Variants in PLAAT1 observed in about 807,000 individuals in gnomAD.
PLAAT1 encodes the protein phospholipase A and acyltransferase 1.
In PLAAT1, 13 loss-of-function variants were observed where a neutral mutation model predicts 16.4. That is an observed-to-expected ratio of 0.79 (90% CI 0.52 to 1.26). The LOEUF (loss-of-function observed/expected upper bound fraction) is 1.26. Ranked by LOEUF, PLAAT1 falls within the 50% of genes most tolerant of loss-of-function variation. PLAAT1 has a pLI of 0.00. For synonymous variants in PLAAT1, 73 were observed against 78.4 expected (o/e 0.93, Z 0.36); for missense variants, 218 against 207.8 (o/e 1.05, Z -0.30).
At chr3:193,259,838 C>T (rs1577306691) in intron 2 of PLAAT1, among the ~76,000 whole-genome samples, 1 of 152,042 alleles carries the variant, frequency 6.6e-6, no homozygotes, top group Non-Finnish European at 1.5e-5. Context: ...TATCAAGCTA[C>T]CAATGCCATT....
downstream of PLAAT1, among the ~76,000 whole-genome samples, chr3:193,274,581 G>A (rs914540248): frequency 5.9e-5 from 9 of 152,146 alleles, no homozygotes; most frequent in African/African-American, 2.2e-4. Context: ...TCTATGAAAA[G>A]CATACCAGTG....
chr3:193,249,994 GATTTA>G (rs1217713755), intron 1 of PLAAT1, among the ~76,000 whole-genome samples: 2 of 151,944 alleles, frequency 1.3e-5, no homozygotes. Context: ...ACTTTCTGGA[GATTTA>G]ATTTATCTTG....
chr3:193,279,375 ACG>A, downstream of PLAAT1: 2 of 1,613,412 alleles, frequency 1.2e-6, no homozygotes, highest in African/African-American at 1.3e-5. Flanking sequence ...CCTCCATTCC[ACG>A]GTATATAACT....
chr3:193,275,210 C>G (rs771933944), downstream of PLAAT1: 1 of 1,614,192 alleles, frequency 6.2e-7, no homozygotes, highest in Admixed American at 1.7e-5. Flanking sequence ...CTTCTGCTAG[C>G]TTCTTTTGCC....
At chr3:193,274,268 G>T (rs974043361), downstream of PLAAT1, among the ~76,000 whole-genome samples, 1 of 152,078 alleles carries the variant, frequency 6.6e-6, no homozygotes, top group African/African-American at 2.4e-5. Context: ...GTTTTCATGT[G>T]TCAGTAACAA....
At chr3:193,241,081 A>G (rs1309709835), upstream of PLAAT1, 2 of 605,198 alleles carry the variant, frequency 3.3e-6, no homozygotes, top group Non-Finnish European at 4.4e-6. Flanking sequence ...GCGCGCGCGG[A>G]GGCGGCTGCG....
rs1716652683 is a variant in PLAAT1, at chr3:193,263,186, G to A, written c.356G>A (p.Cys119Tyr). The A allele has an allele frequency of 6.2e-7, 1 of 1,614,200 alleles. No individual in the cohort carries two copies. ...EVAYNLLVNN[C>Y]EHFVTLLRYG... ...GCCTATAACTTACTTGTCAACAACT[G>A]TGAACATTTTGTGACATTGCTTCGC... The change falls in exon 3 of 4, where the codon TGT becomes TAT. Residue 119 changes from cysteine (C) to tyrosine (Y), a missense_variant. By Grantham distance (194) the Cys-to-Tyr change is radical. Coordinates refer to ENST00000264735, the MANE Select transcript of PLAAT1 (RefSeq NM_020386.5).
intron 1 of PLAAT1, among the ~76,000 whole-genome samples, chr3:193,243,902 G>A (rs1018326953): frequency 2.0e-5 from 3 of 152,140 alleles, no homozygotes; most frequent in Non-Finnish European, 4.4e-5. Flanking sequence ...CAACCACTGT[G>A]TGTTCACTAT....
intron 2 of PLAAT1, among the ~76,000 whole-genome samples, chr3:193,276,092 T>C (rs1717187297): frequency 6.6e-6 from 1 of 152,146 alleles, no homozygotes; most frequent in African/African-American, 2.4e-5. Context: ...TAAAACATAG[T>C]CTCAAAAATG....
At chr3:193,258,899 A>G (rs1716482861) in intron 2 of PLAAT1, among the ~76,000 whole-genome samples, 1 of 152,174 alleles carries the variant, frequency 6.6e-6, no homozygotes, top group South Asian at 2.1e-4. Flanking sequence ...TTCCTAACTC[A>G]TTCTATGAAA....
At chr3:193,251,884 C>A (rs1716203338) in intron 1 of PLAAT1, among the ~76,000 whole-genome samples, 1 of 151,986 alleles carries the variant, frequency 6.6e-6, no homozygotes, top group African/African-American at 2.4e-5. Flanking sequence ...AGTTAGGGAG[C>A]CTCCTATTAC....
intron 1 of PLAAT1, among the ~76,000 whole-genome samples, chr3:193,246,599 A>T (rs1036612178): frequency 1.2e-4 from 18 of 152,154 alleles, no homozygotes; most frequent in Non-Finnish European, 2.5e-4. Context: ...TGGGCTCAAG[A>T]TATCCATCTG....
At chr3:193,241,100 C>T (rs1715709568), upstream of PLAAT1, 1 of 750,768 alleles carries the variant, frequency 1.3e-6, no homozygotes, top group Non-Finnish European at 1.7e-6. Flanking sequence ...CGTCGGGGCG[C>T]GAGAAGGTGC....
chr3:193,252,138 A>G (rs1005362739), intron 1 of PLAAT1, among the ~76,000 whole-genome samples: 1 of 152,158 alleles, frequency 6.6e-6, no homozygotes, highest in South Asian at 2.1e-4. Context: ...GCTTACAATC[A>G]TGGTGGAATG....
chr3:193,241,647 C>T lies in PLAAT1; in HGVS notation c.-1+114C>T, dbSNP rs1715752301. The T allele has an allele frequency of 5.8e-6, 4 of 693,754 alleles. No homozygotes were observed. In the South Asian group the frequency reaches 3.0e-4, roughly 52 times the overall value. 43.0% of individuals were successfully genotyped at this position (693,754 alleles called of 1,614,324 possible). A position where few individuals can be genotyped will look rare whatever the true frequency, so the allele number is the denominator to read the frequency against. On this transcript the variant is annotated intron_variant, in intron 1 of 3. Transcript: ENST00000264735. The stretch of plus-strand genomic sequence containing the variant: ...ACTAGAGAACAACGGAGCTTATCCA[C>T]CCTCCTCTTTTTCACAGACTGGGGA...
intron 1 of PLAAT1, 94 bp downstream of exon 1, chr3:193,241,627 A>G: frequency 1.2e-6 from 1 of 865,260 alleles, no homozygotes. Context: ...ACATGACTAG[A>G]GAACAACGGA....
chr3:193,255,663 G>A lies in PLAAT1; in HGVS notation c.13G>A (p.Asp5Asn), dbSNP rs1351119520. The A allele has an allele frequency of 1.9e-6, 3 of 1,607,972 alleles. No homozygotes were observed. The Admixed American group carries it at 5.1e-5, about 27-fold the overall frequency. Residue 5 changes from aspartate (D) to asparagine (N), a missense_variant, in exon 2 of 4, where the codon GAT (aspartate) becomes AAT (asparagine). Transcript: ENST00000264735. MAFN[D>N]CFSLNYPGNP... ...TTTGTCATTGCAGATGGCGTTTAATGATTGCTTCAGTTTGAACTACCCTGG... is the reference window on the plus strand; with the variant it reads ...TTTGTCATTGCAGATGGCGTTTAATAATTGCTTCAGTTTGAACTACCCTGG...
chr3:193,255,278 A>G lies in PLAAT1; in HGVS notation c.1-373A>G, dbSNP rs1716333435. ...TTCCTATTTCCCCTTTTTATCCTAA[A>G]TAGACCATTTTTTAATATTTAATCC... On this transcript the variant is annotated intron_variant, in intron 1 of 3. Transcript: ENST00000264735. Among the ~76,000 whole-genome samples the G allele has an allele frequency of 4.6e-5, 7 of 152,142 alleles. No individual in the cohort carries two copies. The South Asian group carries it at 1.4e-3, about 31-fold the overall frequency.
At chr3:193,249,059 C>T (rs1304604934) in intron 1 of PLAAT1, among the ~76,000 whole-genome samples, 1 of 152,036 alleles carries the variant, frequency 6.6e-6, no homozygotes, top group Non-Finnish European at 1.5e-5. Flanking sequence ...TTCTTCTCTT[C>T]CTTTTTGAAG....
Sources: gnomAD v4.1 joint callset for allele counts (sites outside exome capture counted in the v4.1 genomes callset) on GRCh38, gnomAD v4.1.1 for gene constraint, MANE v1.5 for transcripts, NCBI Gene and HGNC (gene_info 2026-07-23, HGNC 2026-07-21) for gene names.